MED13L: variants seen among roughly 807,000 people sequenced by gnomAD.
The protein encoded by MED13L is mediator of RNA polymerase II transcription subunit 13-like.
MED13L carries 7 observed loss-of-function variants against 220.9 expected under a neutral mutation model. That is an observed-to-expected ratio of 0.03 (90% CI 0.02 to 0.06). The LOEUF (loss-of-function observed/expected upper bound fraction) is 0.06, where lower values mean the gene tolerates loss of function less well. Among genes scored for constraint, MED13L ranks in the 10% least tolerant of loss-of-function variants. The pLI is 1.00. For synonymous variants in MED13L, 1,011 were observed against 1,015.2 expected (o/e 1.00, Z 0.08); for missense variants, 1,965 against 2,760.5 (o/e 0.71, Z 6.46).
intron 2 of MED13L, among the ~76,000 whole-genome samples, chr12:116,167,548 T>C (rs1879370864): frequency 6.6e-6 from 1 of 152,218 alleles, no homozygotes; most frequent in Non-Finnish European, 1.5e-5. Context: ...CACTTACAAG[T>C]ATTTATTTTA....
chr12:116,010,211 C>G (rs1879309151), intron 9 of MED13L, among the ~76,000 whole-genome samples: 1 of 152,072 alleles, frequency 6.6e-6, no homozygotes, highest in Non-Finnish European at 1.5e-5. Flanking sequence ...AATACTCTTG[C>G]CAAAGTCTTT....
intron 2 of MED13L, among the ~76,000 whole-genome samples, chr12:116,141,175 T>C (rs1231887989): frequency 1.3e-5 from 2 of 152,310 alleles, no homozygotes; most frequent in East Asian, 1.9e-4. Context: ...TAAATATCCA[T>C]ACTAGGTACC....
chr12:116,273,337 C>A (rs563228293), intron 1 of MED13L, among the ~76,000 whole-genome samples: 1 of 151,936 alleles, frequency 6.6e-6, no homozygotes, highest in African/African-American at 2.4e-5. Context: ...AGAAAATGAA[C>A]CATCATGGAA....
chr12:116,080,931 G>C (rs1871200434), intron 4 of MED13L, among the ~76,000 whole-genome samples: 1 of 152,108 alleles, frequency 6.6e-6, no homozygotes, highest in South Asian at 2.1e-4. Flanking sequence ...TTGGCCTATA[G>C]GAATACGAAG....
At chr12:116,067,117 A>G (rs1210980112) in intron 4 of MED13L, among the ~76,000 whole-genome samples, 2 of 152,176 alleles carry the variant, frequency 1.3e-5, no homozygotes, top group Admixed American at 6.6e-5. Context: ...ACAAGAGATG[A>G]AAAAAAGCTA....
At chr12:116,088,731 AG>A (rs1254563970) in intron 4 of MED13L, among the ~76,000 whole-genome samples, 2 of 148,096 alleles carry the variant, frequency 1.4e-5, no homozygotes, top group Admixed American at 1.3e-4. Flanking sequence ...AGAAAAGAAA[AG>A]AGGAGAGGGG....
intron 4 of MED13L, among the ~76,000 whole-genome samples, chr12:116,028,739 T>G (rs1241812029): frequency 6.6e-6 from 1 of 152,166 alleles, no homozygotes; most frequent in African/African-American, 2.4e-5. Flanking sequence ...GCTTCACCCC[T>G]GTTCTCTTAG....
chr12:116,061,559 G>A (rs954356194), intron 4 of MED13L, among the ~76,000 whole-genome samples: 2 of 152,056 alleles, frequency 1.3e-5, no homozygotes, highest in African/African-American at 4.8e-5. Flanking sequence ...ATAACCTTCA[G>A]GACATGATAG....
chr12:116,019,561 T>TTA (rs1879929976), intron 6 of MED13L, 149 bp from the exon 7 acceptor site: 9 of 1,141,038 alleles, frequency 7.9e-6, no homozygotes, highest in South Asian at 4.0e-5. Flanking sequence ...TAATAGCTGT[T>TTA]TAAACATGTG....
At chr12:116,010,028 T>G (rs1879297793) in intron 9 of MED13L, among the ~76,000 whole-genome samples, 1 of 152,222 alleles carries the variant, frequency 6.6e-6, no homozygotes, top group Non-Finnish European at 1.5e-5. Context: ...ATTAAATTAC[T>G]GCTGCATTGC....
intron 2 of MED13L, among the ~76,000 whole-genome samples, chr12:116,147,484 T>C (rs534078155): frequency 9.8e-5 from 15 of 152,324 alleles, no homozygotes; most frequent in African/African-American, 3.1e-4. Flanking sequence ...ACTGTTACTG[T>C]TATCCTTGCC....
intron 2 of MED13L, among the ~76,000 whole-genome samples, chr12:116,209,166 G>A (rs1882537129): frequency 6.6e-6 from 1 of 152,140 alleles, no homozygotes; most frequent in Non-Finnish European, 1.5e-5. Flanking sequence ...CAATGATTAT[G>A]AGGCATGCTC....
chr12:116,118,783 T>G, intron 2 of MED13L, among the ~76,000 whole-genome samples: 2 of 152,330 alleles, frequency 1.3e-5, no homozygotes, highest in South Asian at 4.1e-4. Context: ...GACCGTGTTA[T>G]GTGTCAAGCA....
At chr12:116,084,181 A>G (rs577561689) in intron 4 of MED13L, among the ~76,000 whole-genome samples, 23 of 152,356 alleles carry the variant, frequency 1.5e-4, no homozygotes, top group African/African-American at 4.1e-4. Flanking sequence ...GGGTATTTTT[A>G]GCACCACGTG....
intron 3 of MED13L, among the ~76,000 whole-genome samples, chr12:116,101,078 C>A (rs1405953794): frequency 6.6e-6 from 1 of 152,198 alleles, no homozygotes; most frequent in Non-Finnish European, 1.5e-5. Flanking sequence ...CCACTAATGT[C>A]TATTAACCCT....
intron 4 of MED13L, among the ~76,000 whole-genome samples, chr12:116,023,550 C>G (rs1171223507): frequency 6.8e-6 from 1 of 147,374 alleles, no homozygotes; most frequent in South Asian, 2.1e-4. Context: ...GAGTACTACT[C>G]AAAAAAAAAA....
intron 2 of MED13L, chr12:116,230,313 T>A (rs1593188820): frequency 5.8e-6 from 1 of 172,892 alleles, no homozygotes; most frequent in South Asian, 1.9e-4. Flanking sequence ...GGCAGGAGAA[T>A]CGCTTGAACC....
chr12:116,192,935 A>ATCC (rs1381566683), intron 2 of MED13L, among the ~76,000 whole-genome samples: 4 of 152,294 alleles, frequency 2.6e-5, no homozygotes, highest in African/African-American at 9.6e-5. Context: ...AATCAAGACC[A>ATCC]TCCTGGCTAA....
Position 116,146,225 on chromosome 12 carries a change from C to T in MED13L, c.311-34713G>A, listed in dbSNP as rs147100091. 1.4e-3 allele frequency among the ~76,000 whole-genome samples: 217 copies of T among 152,132 alleles called. 1 individual carries two copies. Among genetic ancestry groups the T allele is most frequent in the African/African-American group, 5.0e-3 (209 of 41,516 alleles). ...GCAACCTCCACCTCCTGGGTTCAAG[C>T]GATTCTCCTGCCTCAGCCTCCCAAG... On this transcript the variant is annotated intron_variant, in intron 2 of 30. Coordinates refer to ENST00000281928, the MANE Select transcript of MED13L (RefSeq NM_015335.5).
Sources: gnomAD v4.1 joint callset for allele counts (sites outside exome capture counted in the v4.1 genomes callset) on GRCh38, gnomAD v4.1.1 for gene constraint, MANE v1.5 for transcripts, NCBI Gene and HGNC (gene_info 2026-07-23, HGNC 2026-07-21) for gene names.